SCN1A: variants seen among roughly 807,000 people sequenced by gnomAD.
SCN1A encodes the protein sodium channel protein type 1 subunit alpha.
A neutral mutation model predicts 193.7 loss-of-function variants in SCN1A; 13 were observed. The observed-to-expected ratio is 0.07, with a 90% CI of 0.04 to 0.11. The LOEUF is 0.11. SCN1A is among the 10% of genes least tolerant of loss of function. The pLI, the probability that SCN1A is intolerant of heterozygous loss-of-function variation, is 1.00. For missense variants in SCN1A, 1,432 were observed against 2,451.1 expected, an observed-to-expected ratio of 0.58 and a Z score of 8.78; for synonymous variants, 781 against 843.6, an observed-to-expected ratio of 0.93 and a Z score of 1.29.
chr2:166,118,302 CTTTTTTTTTTTTTTT>C lies in SCN1A; in HGVS notation c.-142+8607_-142+8621del, dbSNP rs61002916. Among the ~76,000 whole-genome samples the C allele has an allele frequency of 1.0e-3, 82 of 81,114 alleles. 7 individuals are homozygous for C. The highest frequency in any genetic ancestry group is 3.4e-3 in the African/African-American group (68 of 19,790). 53.2% of individuals were successfully genotyped at this position (81,114 alleles called of 152,430 possible). On this transcript the variant is annotated intron_variant, in intron 2 of 28. Transcript: ENST00000674923. ...TTGCTTACTGATTTCTATTTAGTTT[CTTTTTTTTTTTTTTT>C]TTTTTTTTTTTTTGAGAAAGCGTCT...
intron 1 of SCN1A, among the ~76,000 whole-genome samples, chr2:166,145,083 G>C (rs573579502): frequency 2.0e-5 from 3 of 151,330 alleles, no homozygotes; most frequent in African/African-American, 7.3e-5. Context: ...TGATCTGCCA[G>C]CCTTGGTCTC....
At chr2:166,006,856 TCAAACAGTATCATGAGCTTAA>T (rs771845919) in intron 23 of SCN1A, among the ~76,000 whole-genome samples, 146 of 151,214 alleles carry the variant, frequency 9.7e-4, no homozygotes, top group Non-Finnish European at 1.8e-3. Context: ...GCTGTATGCC[TCAAACAGTATCATGAGCTTAA>T]CAAGTTAAAT....
chr2:165,992,358 A>T lies in SCN1A; in HGVS notation c.4917T>A (p.Arg1639=). Reference sequence around the variant, plus strand: ...GTAGGATTCGGCCAATCCTAGCAAGACGGATCACTCGGAACAGGGTAGGGG... The same window carrying T: ...GTAGGATTCGGCCAATCCTAGCAAGTCGGATCACTCGGAACAGGGTAGGGG... ...FVSPTLFRVI[R]LARIGRILRL... Residue 1639 remains arginine, a synonymous_variant, in exon 29 of 29, where the codon CGT becomes CGA. Coordinates refer to ENST00000674923, the MANE Select transcript of SCN1A (RefSeq NM_001165963.4). The surrounding 1 kb of genome is among the most constrained non-coding windows in gnomAD (Gnocchi z 6.5). The T allele has an allele frequency of 6.2e-7, 1 of 1,613,700 alleles. No individual in the cohort carries two copies. Among genetic ancestry groups the T allele is most frequent in the Non-Finnish European group, 8.5e-7 (1 of 1,179,802 alleles).
intron 4 of SCN1A, among the ~76,000 whole-genome samples, chr2:166,061,377 G>A (rs1488023834): frequency 6.6e-6 from 1 of 152,298 alleles, no homozygotes; most frequent in East Asian, 1.9e-4. Context: ...AAGGAAGTCT[G>A]CCTAGAAGTA....
rs10930193 is a variant in SCN1A at position 166,026,725 on chromosome 2, T to C, written c.3429+9323A>G. Among the ~76,000 whole-genome samples the C allele has an allele frequency of 6.7e-3, 916 of 136,014 alleles. 8 individuals are homozygous for C. The highest frequency in any genetic ancestry group is 0.057 in the East Asian group (248 of 4,346). The allele number at this position is 136,014 out of a possible 152,430, so 89.2% of individuals were successfully genotyped here. ...TTGAGACTGAGTCTTGCTCTGTCGC[T>C]CAGGCTGGAGTGCAGTGGCGTGATC... On this transcript the variant is annotated intron_variant, in intron 19 of 28. Coordinates refer to ENST00000674923, the MANE Select transcript of SCN1A (RefSeq NM_001165963.4).
At chr2:166,056,101 C>T (rs544111036) in intron 6 of SCN1A, among the ~76,000 whole-genome samples, 29 of 152,122 alleles carry the variant, frequency 1.9e-4, no homozygotes, top group Admixed American at 3.3e-4. Flanking sequence ...GAACCAATGT[C>T]TACCATATTG....
At chr2:166,105,044 T>C (rs561330448) in intron 2 of SCN1A, among the ~76,000 whole-genome samples, 2 of 152,348 alleles carry the variant, frequency 1.3e-5, no homozygotes, top group Admixed American at 1.3e-4. Context: ...GCTTATATCA[T>C]ATGTCTTACT....
chr2:166,089,101 G>T (rs1686476620), intron 2 of SCN1A, among the ~76,000 whole-genome samples: 1 of 152,042 alleles, frequency 6.6e-6, no homozygotes, highest in Admixed American at 6.6e-5. Context: ...CACGTGCCTT[G>T]GTGGTTTGCT....
intron 5 of SCN1A, among the ~76,000 whole-genome samples, chr2:166,057,006 T>C (rs1181850642): frequency 6.6e-6 from 1 of 152,098 alleles, no homozygotes; most frequent in African/African-American, 2.4e-5. Flanking sequence ...ACGATGCTAA[T>C]TGTTGGGTTG....
At chr2:166,013,544 G>C (rs1692824061) in intron 21 of SCN1A, among the ~76,000 whole-genome samples, 200 bp downstream of exon 21, 1 of 151,396 alleles carries the variant, frequency 6.6e-6, no homozygotes, top group Non-Finnish European at 1.5e-5. Context: ...TTAATGATTA[G>C]CTTCTTAAAA....
intron 9 of SCN1A, 126 bp from the exon 10 acceptor site, chr2:166,049,075 G>T: frequency 1.5e-6 from 1 of 677,272 alleles, no homozygotes; most frequent in Admixed American, 2.2e-5. Context: ...TCATTCAAAG[G>T]CACAAGTATT....
chr2:166,016,340 G>T (rs946477152), intron 19 of SCN1A: 1 of 152,134 alleles, frequency 6.6e-6, no homozygotes, highest in African/African-American at 2.4e-5. Context: ...TCAATTTCTG[G>T]CAAGTATTTT....
At position 165,991,213 on chromosome 2, in the gene SCN1A, T is replaced by G. The variant is rs1352362250; in HGVS notation, c.*32A>C. The G allele has an allele frequency of 1.4e-5, 22 of 1,560,128 alleles. No individual in the cohort carries two copies. The highest frequency in any genetic ancestry group is 1.7e-5 in the Non-Finnish European group (20 of 1,146,960). On this transcript the variant is annotated 3_prime_UTR_variant, in exon 29 of 29. Coordinates refer to ENST00000674923, the MANE Select transcript of SCN1A (RefSeq NM_001165963.4). Reference sequence around the variant, plus strand: ...CATCACCTTCACAGGCTGTAAACAATTTGTCACCCAATTATTTTTATTTAT... The same window carrying G: ...CATCACCTTCACAGGCTGTAAACAAGTTGTCACCCAATTATTTTTATTTAT...
chr2:166,121,839 G>C (rs35597277), intron 2 of SCN1A, among the ~76,000 whole-genome samples: 1 of 152,192 alleles, frequency 6.6e-6, no homozygotes, highest in South Asian at 2.1e-4. Context: ...CGGTACCTCA[G>C]AATGTGACTG....
At chr2:166,099,265 T>G (rs1230915982) in intron 2 of SCN1A, among the ~76,000 whole-genome samples, 1 of 151,304 alleles carries the variant, frequency 6.6e-6, no homozygotes, top group Non-Finnish European at 1.5e-5. Flanking sequence ...AAAAACCACA[T>G]GATTATCTCA....
At chr2:166,009,644 A>T in intron 23 of SCN1A, 75 bp downstream of exon 23, 1 of 1,453,108 alleles carries the variant, frequency 6.9e-7, no homozygotes, top group Non-Finnish European at 9.3e-7. Flanking sequence ...GCATGCATAG[A>T]TTTTCCTTTT....
intron 1 of SCN1A, among the ~76,000 whole-genome samples, chr2:166,144,393 A>G (rs554124025): frequency 2.0e-5 from 3 of 152,326 alleles, no homozygotes; most frequent in Non-Finnish European, 4.4e-5. Flanking sequence ...TCATGTTTGA[A>G]TTATTCCCTC....
intron 4 of SCN1A, chr2:166,061,015 G>C (rs935678560): frequency 1.3e-5 from 2 of 152,160 alleles, no homozygotes; most frequent in African/African-American, 4.8e-5. Flanking sequence ...GATACAAAGA[G>C]ATAATGAGAA....
chr2:166,052,803 A>T (rs746775062), intron 8 of SCN1A, 49 bp downstream of exon 8: 1 of 1,397,278 alleles, frequency 7.2e-7, no homozygotes, highest in Non-Finnish European at 1.0e-6. Context: ...GCAGAGAAGG[A>T]TGCTGAATCA....
Sources: gnomAD v4.1 joint callset for allele counts (sites outside exome capture counted in the v4.1 genomes callset) on GRCh38, gnomAD v4.1.1 for gene constraint, Gnocchi (gnomAD v3.1) non-coding constraint, MANE v1.5 for transcripts, NCBI Gene and HGNC (gene_info 2026-07-23, HGNC 2026-07-21) for gene names.